RIMS3: variants seen among roughly 807,000 people sequenced by gnomAD.
The protein encoded by RIMS3 is regulating synaptic membrane exocytosis 3.
RIMS3 carries 15 observed loss-of-function variants against 29.2 expected under a neutral mutation model. The observed-to-expected ratio is 0.51, with a 90% CI of 0.34 to 0.79. The LOEUF is 0.79. RIMS3 is among the 30% of genes least tolerant of loss of function. The pLI is 0.01. For synonymous variants in RIMS3, 161 were observed against 170.1 expected, an observed-to-expected ratio of 0.95 and a Z score of 0.41; for missense variants, 342 against 421.4, an observed-to-expected ratio of 0.81 and a Z score of 1.65.
Position 40,623,369 on chromosome 1 carries a change from T to C in RIMS3, c.*3148A>G, listed in dbSNP as rs780905903. On this transcript the variant is annotated 3_prime_UTR_variant, in exon 8 of 8. Transcript: ENST00000372684. ...AAACCCATTGCAGGGAAAAGGAGTC[T>C]ATGAAGAAAGTGGGACAGAATGAAC... The C allele has an allele frequency of 2.5e-5, 10 of 398,444 alleles. No homozygotes were observed. Among genetic ancestry groups the C allele is most frequent in the Non-Finnish European group, 3.1e-5 (7 of 226,074 alleles). The allele number at this position is 398,444 out of a possible 1,614,324, so 24.7% of individuals were successfully genotyped here. A position where few individuals can be genotyped will look rare whatever the true frequency, so the allele number is the denominator to read the frequency against.
At chr1:40,663,742 T>A (rs1642385501) in intron 1 of RIMS3, among the ~76,000 whole-genome samples, 1 of 152,110 alleles carries the variant, frequency 6.6e-6, no homozygotes, top group Non-Finnish European at 1.5e-5. Flanking sequence ...GTTAAGACAG[T>A]GACACAGACC....
the RIMS3 span, chr1:40,692,016 C>G: frequency 1.2e-5 from 3 of 240,050 alleles, no homozygotes; most frequent in South Asian, 9.5e-5. Flanking sequence ...CCATGTTGTG[C>G]TCTTGCCTGG....
At chr1:40,661,958 C>T (rs1023186617) in intron 1 of RIMS3, among the ~76,000 whole-genome samples, 2 of 152,226 alleles carry the variant, frequency 1.3e-5, no homozygotes, top group Non-Finnish European at 2.9e-5. Flanking sequence ...ACTGGCTGTC[C>T]TCCCTCCTGG....
At chr1:40,633,258 G>C (rs1646501005) in intron 4 of RIMS3, 77 bp from the exon 5 acceptor site, 1 of 1,195,760 alleles carries the variant, frequency 8.4e-7, no homozygotes, top group Non-Finnish European at 1.2e-6. Flanking sequence ...AGGCTGCCAT[G>C]CTCTGGCCCT....
At chr1:40,652,563 C>T (rs954356075) in intron 1 of RIMS3, among the ~76,000 whole-genome samples, 2 of 152,140 alleles carry the variant, frequency 1.3e-5, no homozygotes, top group African/African-American at 4.8e-5. Flanking sequence ...AGGAAGGAGG[C>T]GGCAACTACT....
intron 1 of RIMS3, among the ~76,000 whole-genome samples, chr1:40,650,478 G>T (rs1313133081): frequency 6.6e-6 from 1 of 152,174 alleles, no homozygotes; most frequent in East Asian, 1.9e-4. Context: ...GTGAACTGGG[G>T]ACTGTCTTCC....
chr1:40,684,876 A>G, the RIMS3 span, among the ~76,000 whole-genome samples: 3 of 152,222 alleles, frequency 2.0e-5, no homozygotes, highest in Admixed American at 6.6e-5. Context: ...GCAGCTGCTC[A>G]GGAAGCCAAA....
the RIMS3 span, among the ~76,000 whole-genome samples, chr1:40,679,411 T>TA: frequency 6.6e-6 from 1 of 152,192 alleles, no homozygotes; most frequent in Non-Finnish European, 1.5e-5. Flanking sequence ...GTGGGAAAGA[T>TA]AGAGTGGAGC....
At position 40,621,621 on chromosome 1, in the gene RIMS3, T is replaced by A. The variant is rs1375736655; in HGVS notation, c.*4896A>T. 6.6e-6 allele frequency: 1 copy of A among 152,216 alleles called. No individual in the cohort carries two copies. Among genetic ancestry groups the A allele is most frequent in the African/African-American group, 2.4e-5 (1 of 41,450 alleles). 9.4% of individuals were successfully genotyped at this position (152,216 alleles called of 1,614,324 possible). A position where few individuals can be genotyped will look rare whatever the true frequency, so the allele number is the denominator to read the frequency against. On this transcript the variant is annotated 3_prime_UTR_variant, in exon 8 of 8. Transcript: ENST00000372684. ...TGGGGAGAGCAGCTAATGCTCTGAT[T>A]TTGCAGATGAGGAAGTTGAGGCCCA...
chr1:40,670,570 AATTTTATATATATAT>A (rs1169383962), upstream of RIMS3, among the ~76,000 whole-genome samples: 2 of 105,860 alleles, frequency 1.9e-5, no homozygotes, highest in African/African-American at 3.8e-5. Flanking sequence ...TGTTAGTTAT[AATTTTATATATATAT>A]ATATATATAT....
chr1:40,623,371 T>G lies in RIMS3; in HGVS notation c.*3146A>C. On this transcript the variant is annotated 3_prime_UTR_variant, in exon 8 of 8. Transcript: ENST00000372684. Reference sequence around the variant, plus strand: ...ACCCATTGCAGGGAAAAGGAGTCTATGAAGAAAGTGGGACAGAATGAACAG... The same window carrying G: ...ACCCATTGCAGGGAAAAGGAGTCTAGGAAGAAAGTGGGACAGAATGAACAG... 5.0e-6 allele frequency: 2 copies of G among 398,558 alleles called. No homozygotes were observed. Among genetic ancestry groups the G allele is most frequent in the East Asian group, 3.6e-5 (1 of 28,074 alleles). The allele number at this position is 398,558 out of a possible 1,614,324, so 24.7% of individuals were successfully genotyped here.
At chr1:40,661,576 C>A (rs1642352676) in intron 1 of RIMS3, among the ~76,000 whole-genome samples, 1 of 152,212 alleles carries the variant, frequency 6.6e-6, no homozygotes, top group Non-Finnish European at 1.5e-5. Context: ...CTGCTCCCAC[C>A]CCCAGCCAGC....
intron 1 of RIMS3, among the ~76,000 whole-genome samples, chr1:40,655,536 C>T (rs544910983): frequency 6.6e-6 from 1 of 152,312 alleles, no homozygotes; most frequent in East Asian, 1.9e-4. Flanking sequence ...TCAAGGTGAG[C>T]AGAAGAGAGC....
At chr1:40,652,450 G>A (rs940837015) in intron 1 of RIMS3, among the ~76,000 whole-genome samples, 7 of 152,212 alleles carry the variant, frequency 4.6e-5, no homozygotes, top group African/African-American at 1.4e-4. Flanking sequence ...TGCAGAAACA[G>A]TGAACACTTC....
At chr1:40,628,592 T>C (rs921102459) in intron 7 of RIMS3, among the ~76,000 whole-genome samples, 2 of 152,202 alleles carry the variant, frequency 1.3e-5, no homozygotes, top group Admixed American at 1.3e-4. Flanking sequence ...CTACCAGCTG[T>C]GCAACCTGGG....
chr1:40,623,562 T>C lies in RIMS3; in HGVS notation c.*2955A>G. 2 of 398,668 alleles carry C rather than the reference T, an allele frequency of 5.0e-6. No homozygotes were observed. The highest frequency in any genetic ancestry group is 4.4e-6 in the Non-Finnish European group (1 of 226,142). The allele number at this position is 398,668 out of a possible 1,614,324, so 24.7% of individuals were successfully genotyped here. ...TCCATTCCTGTAACCACTGCAGGGT[T>C]TCATCTGGGCAAGGGGGCATTTGGA... is the stretch of plus-strand genomic sequence containing the variant. On this transcript the variant is annotated 3_prime_UTR_variant, in exon 8 of 8. Transcript: ENST00000372684.
chr1:40,642,626 C>A (rs183514550), intron 2 of RIMS3, among the ~76,000 whole-genome samples: 1 of 152,240 alleles, frequency 6.6e-6, no homozygotes, highest in East Asian at 1.9e-4. Context: ...ACTCATACTG[C>A]AAATATCATT....
rs200529057 is a variant in RIMS3, at chr1:40,641,870, C to T, written c.56G>A (p.Arg19Gln). The T allele has an allele frequency of 2.8e-5, 45 of 1,613,564 alleles. No homozygotes were observed. Among genetic ancestry groups the T allele is most frequent in the African/African-American group, 1.3e-5 (1 of 74,916 alleles). ...GATTTCACCGCTAATGCTGGAGCTCCGCACCACATTCCTGGAGGCCCCAGA... is the reference window on the plus strand; with the variant it reads ...GATTTCACCGCTAATGCTGGAGCTCTGCACCACATTCCTGGAGGCCCCAGA... ...ASSGASRNVV[R>Q]SSSISGEICG... Residue 19 changes from arginine to glutamine, a missense_variant, in exon 3 of 8, where the codon CGG becomes CAG. Physicochemically the swap from Arg to Gln is conservative, Grantham distance 43. Transcript: ENST00000372684.
At chr1:40,647,091 G>C (rs527713758) in intron 2 of RIMS3, among the ~76,000 whole-genome samples, 20 of 152,074 alleles carry the variant, frequency 1.3e-4, no homozygotes, top group Non-Finnish European at 2.6e-4. Context: ...ATATTGGCCA[G>C]GCTGGTCTCG....
Sources: allele counts gnomAD v4.1 joint callset (sites outside exome capture counted in the v4.1 genomes callset), GRCh38; gene constraint gnomAD v4.1.1; transcripts MANE v1.5; gene names NCBI Gene and HGNC (gene_info 2026-07-23, HGNC 2026-07-21).